The following ZNF451 variants were observed in gnomAD, a reference collection of about 807,000 sequenced individuals.
ZNF451 encodes E3 SUMO-protein ligase ZNF451.
Under a neutral mutation model 107.1 loss-of-function variants are expected in ZNF451, and 80 were observed. The ratio of observed to expected loss-of-function variants is 0.75; its 90% CI spans 0.62 to 0.90. The LOEUF is 0.90. ZNF451 is among the 40% of genes least tolerant of loss of function. ZNF451 has a pLI of 0.00. For missense variants in ZNF451, 1,107 were observed against 1,236.2 expected (o/e 0.90, Z 1.57); for synonymous variants, 362 against 406.5 (o/e 0.89, Z 1.32).
intron 2 of ZNF451, among the ~76,000 whole-genome samples, chr6:57,092,171 A>G (rs751472705): frequency 6.6e-6 from 1 of 152,216 alleles, no homozygotes; most frequent in African/African-American, 2.4e-5. Flanking sequence ...TAGTAGAAAT[A>G]ATACTAGGAA....
intron 3 of ZNF451, among the ~76,000 whole-genome samples, chr6:57,111,673 G>C (rs559145843): frequency 1.3e-5 from 2 of 152,238 alleles, no homozygotes; most frequent in East Asian, 3.9e-4. Context: ...GAGCCACCAC[G>C]CCTGGCCGTA....
At position 57,124,726 on chromosome 6, in the gene ZNF451, T is replaced by C. The variant is rs1453331797; in HGVS notation, c.187-8T>C. The C allele has an allele frequency of 6.4e-7, 1 of 1,567,244 alleles. No individual in the cohort carries two copies. Among genetic ancestry groups the C allele is most frequent in the East Asian group, 2.2e-5 (1 of 44,548 alleles). On this transcript the variant is annotated splice_region_variant and splice_polypyrimidine_tract_variant and intron_variant, in intron 3 of 14. Transcript: ENST00000370706. The stretch of plus-strand genomic sequence containing the variant: ...TTAAAAGGAATGAAAATTTTTTTCA[T>C]GTTATAGGAGAATATTAAACGTAAA...
chr6:57,153,754 C>A, intron 12 of ZNF451, 107 bp from the exon 13 acceptor site: 1 of 1,156,806 alleles, frequency 8.6e-7, no homozygotes, highest in Non-Finnish European at 1.3e-6. Context: ...GACTAGGGAA[C>A]AAGCTTAATA....
chr6:57,100,215 C>T (rs1829528545), intron 3 of ZNF451, among the ~76,000 whole-genome samples: 1 of 152,066 alleles, frequency 6.6e-6, no homozygotes, highest in African/African-American at 2.4e-5. Flanking sequence ...CCATCATTAG[C>T]TTCTTGCATA....
At chr6:57,134,717 T>C (rs372288455) in intron 6 of ZNF451, 27 bp from the exon 7 acceptor site, 3 of 1,600,658 alleles carry the variant, frequency 1.9e-6, no homozygotes, top group African/African-American at 2.7e-5. Flanking sequence ...TTATCTAATA[T>C]TACCTCTTAC....
rs376330274 is a variant in ZNF451, at chr6:57,152,304, C to T, written c.2836C>T (p.Arg946Cys). The T allele has an allele frequency of 8.5e-5, 137 of 1,613,848 alleles. No homozygotes were observed. The highest frequency in any genetic ancestry group is 1.1e-4 in the Non-Finnish European group (130 of 1,179,958). The change falls in exon 12 of 15, where the codon CGC becomes TGC. Residue 946 changes from arginine to cysteine, a missense_variant. Arg to Cys is a radical substitution (Grantham distance 180). Coordinates refer to ENST00000370706, the MANE Select transcript of ZNF451 (RefSeq NM_001031623.3). ...GATTGGATGCTTCTTCCTTCATCCT[C>T]GCTGTAGTAAAAGAAAAGATGCTGC... is the stretch of plus-strand genomic sequence containing the variant. ...NRIGCFFLHP[R>C]CSKRKDAADF... is the part of the protein sequence containing the mutation.
intron 3 of ZNF451, chr6:57,101,024 G>T: frequency 6.4e-7 from 1 of 1,550,556 alleles, no homozygotes; most frequent in Non-Finnish European, 8.7e-7. Context: ...CAGTCCAGGA[G>T]CTGTTTTAGA....
At position 57,142,064 on chromosome 6, in the gene ZNF451, C is replaced by T. The variant is rs1196852296; in HGVS notation, c.973C>T (p.Arg325Cys). The T allele has an allele frequency of 5.6e-6, 9 of 1,613,180 alleles. No homozygotes were observed. The East Asian group carries it at 1.1e-4, about 20-fold the overall frequency. Residue 325 changes from arginine to cysteine, a missense_variant, in exon 9 of 15, where the codon CGT (arginine) becomes TGT (cysteine). Around this residue, in one of 5 missense-constraint regions of ZNF451, gnomAD observed 339 missense variants for 372.8 expected, o/e 0.91. Coordinates refer to ENST00000370706, the MANE Select transcript of ZNF451 (RefSeq NM_001031623.3). Reference sequence around the variant, plus strand: ...GTGTGTGGCCTGCCACAAGACACTGCGTTCCCACATGGAGCTCACTGCCCA... The same window carrying T: ...GTGTGTGGCCTGCCACAAGACACTGTGTTCCCACATGGAGCTCACTGCCCA... ...VKCVACHKTLRSHMELTAHFR... is the reference protein window; with the variant it reads ...VKCVACHKTLCSHMELTAHFR...
Position 57,134,841 on chromosome 6 carries a change from C to T in ZNF451, c.673C>T (p.Gln225Ter). Residue 225 changes from glutamine to a stop codon, truncating the protein, a stop_gained, in exon 7 of 15, where the codon CAA becomes TAA. Coordinates refer to ENST00000370706, the MANE Select transcript of ZNF451 (RefSeq NM_001031623.3). LOFTEE classifies it high-confidence loss of function. ...VVCYKKFVTQQQYRDHLFDKE... is the reference protein window; with the variant it reads ...VVCYKKFVTQ ...ATGTTATAAAAAATTTGTTACTCAA[C>T]AACAATATAGAGATCACCTTTTTGA... 1.2e-6 allele frequency: 2 copies of T among 1,609,096 alleles called. No individual in the cohort carries two copies. Among genetic ancestry groups the T allele is most frequent in the Non-Finnish European group, 1.7e-6 (2 of 1,176,756 alleles).
intron 10 of ZNF451, among the ~76,000 whole-genome samples, chr6:57,149,467 A>T (rs1832244905): frequency 6.6e-6 from 1 of 151,280 alleles, no homozygotes; most frequent in South Asian, 2.1e-4. Context: ...CTGGTTTTGA[A>T]CTCCTGGCCT....
chr6:57,145,648 T>C (rs530230803), intron 9 of ZNF451, among the ~76,000 whole-genome samples: 4 of 152,298 alleles, frequency 2.6e-5, no homozygotes, highest in African/African-American at 9.6e-5. Context: ...TTTTTATGAC[T>C]CAGTAGTATT....
At chr6:57,110,903 CTTT>C (rs59117896) in intron 3 of ZNF451, among the ~76,000 whole-genome samples, 1 of 140,910 alleles carries the variant, frequency 7.1e-6, no homozygotes, top group African/African-American at 2.6e-5. Context: ...CCTTTACCTT[CTTT>C]TTTTTTTTTT....
At position 57,104,165 on chromosome 6, in the gene ZNF451, G is replaced by A. The variant is rs865894079; in HGVS notation, c.186+5024G>A. On this transcript the variant is annotated intron_variant, in intron 3 of 14. Transcript: ENST00000370706. ...TCCATGCCAGTGTTCTCTACAAAGT[G>A]TCTTTCAAACTAAACTCTAGAAGAA... The A allele has an allele frequency of 4.1e-6, 4 of 985,178 alleles. No individual in the cohort carries two copies. In the African/African-American group the frequency reaches 5.2e-5, roughly 13 times the overall value. The allele number at this position is 985,178 out of a possible 1,614,324, so 61.0% of individuals were successfully genotyped here.
At chr6:57,139,848 G>T (rs1831665566) in intron 7 of ZNF451, among the ~76,000 whole-genome samples, 1 of 152,076 alleles carries the variant, frequency 6.6e-6, no homozygotes, top group Non-Finnish European at 1.5e-5. Flanking sequence ...TTAGAGACGA[G>T]CTTGGGCAAC....
rs1831747692 is a variant in ZNF451, at chr6:57,141,329, A to C, written c.730A>C (p.Asn244His). 2.5e-6 allele frequency: 4 copies of C among 1,612,018 alleles called. No individual in the cohort carries two copies. Among genetic ancestry groups the C allele is most frequent in the Admixed American group, 1.7e-5 (1 of 59,868 alleles). ...AGCCACAGATGATGGACATAACAAC[A>C]ACCTTCTTCCTCAGATTATTCAGTG... is the stretch of plus-strand genomic sequence containing the variant. ...KEATDDGHNNNLLPQIIQCFA... is the reference protein window; with the variant it reads ...KEATDDGHNNHLLPQIIQCFA... The change falls in exon 8 of 15, where the codon AAC (asparagine) becomes CAC (histidine). Residue 244 changes from asparagine to histidine, a missense_variant. This residue lies in a region of ZNF451 where 339 missense variants were observed against 372.8 expected (regional missense o/e 0.91). Transcript: ENST00000370706.
At chr6:57,103,376 CTTAA>C (rs1829696375) in intron 3 of ZNF451, 5 of 985,286 alleles carry the variant, frequency 5.1e-6, no homozygotes, top group African/African-American at 1.7e-5. Flanking sequence ...TAATTGGTTA[CTTAA>C]TTTAGTCAGA....
chr6:57,149,933 T>C (rs1164917848), intron 10 of ZNF451, among the ~76,000 whole-genome samples: 1 of 151,944 alleles, frequency 6.6e-6, no homozygotes, highest in Non-Finnish European at 1.5e-5. Context: ...GGCTTGGAAA[T>C]GGAAGGGAAT....
In ZNF451 at chr6:57,168,682, A is replaced by G. The variant is rs1344756606; in HGVS notation, c.*213A>G. ...AAGAAATAGAATACATGTTCATGCA[A>G]ATATAAATTATGTATTCTAATATAG... is the stretch of plus-strand genomic sequence containing the variant. On this transcript the variant is annotated 3_prime_UTR_variant, in exon 15 of 15. Transcript: ENST00000370706. 1 of 495,976 alleles carries G rather than the reference A, an allele frequency of 2.0e-6. No homozygotes were observed. Among genetic ancestry groups the G allele is most frequent in the African/African-American group, 2.0e-5 (1 of 49,318 alleles). 30.7% of individuals were successfully genotyped at this position (495,976 alleles called of 1,614,324 possible).
At chr6:57,153,796 A>T in intron 12 of ZNF451, 65 bp from the exon 13 acceptor site, 1 of 1,510,102 alleles carries the variant, frequency 6.6e-7, no homozygotes, top group Non-Finnish European at 9.2e-7. Context: ...ATTCTGAAAT[A>T]GATGTAACTT....
Sources: allele counts gnomAD v4.1 joint callset (sites outside exome capture counted in the v4.1 genomes callset), GRCh38; gene constraint gnomAD v4.1.1; regional missense constraint gnomAD v4.1.1; transcripts MANE v1.5; gene names NCBI Gene and HGNC (gene_info 2026-07-23, HGNC 2026-07-21).